Variants in MARCHF1 observed in about 807,000 individuals in gnomAD.
The protein encoded by MARCHF1 is membrane associated ring-CH-type finger 1, also known as E3 ubiquitin-protein ligase MARCHF1.
In MARCHF1, 40 loss-of-function variants were observed where a neutral mutation model predicts 54.2. The observed-to-expected ratio is 0.74, with a 90% CI of 0.57 to 0.96. The LOEUF is 0.96. Ranked by LOEUF, MARCHF1 falls within the 40% of genes least tolerant of loss-of-function variation. The pLI is 0.00. For synonymous variants in MARCHF1, 236 were observed against 236.3 expected, an observed-to-expected ratio of 1.00 and a Z score of 0.01; for missense variants, 586 against 656.5, an observed-to-expected ratio of 0.89 and a Z score of 1.17.
At chr4:164,382,875 C>T (rs187451593) in intron 1 of MARCHF1, among the ~76,000 whole-genome samples, 10 of 152,262 alleles carry the variant, frequency 6.6e-5, no homozygotes, top group Non-Finnish European at 1.0e-4. Context: ...TAATAGAAAA[C>T]ATTTTGATCT....
intron 5 of MARCHF1, among the ~76,000 whole-genome samples, chr4:163,617,910 A>G (rs916253039): frequency 1.3e-5 from 2 of 152,214 alleles, no homozygotes; most frequent in African/African-American, 4.8e-5. Context: ...TGATCATAAT[A>G]AAACAAATGT....
chr4:164,050,655 G>A (rs1754344648), intron 2 of MARCHF1, among the ~76,000 whole-genome samples: 1 of 151,700 alleles, frequency 6.6e-6, no homozygotes, highest in Non-Finnish European at 1.5e-5. Flanking sequence ...CAGACCTAGT[G>A]AATTAAAATC....
intron 2 of MARCHF1, among the ~76,000 whole-genome samples, chr4:164,078,807 A>G (rs549911138): frequency 1.6e-4 from 25 of 152,324 alleles, no homozygotes; most frequent in African/African-American, 6.0e-4. Flanking sequence ...AATCACAACT[A>G]TACCTAATGT....
At chr4:164,241,180 C>T (rs1362811091) in intron 1 of MARCHF1, among the ~76,000 whole-genome samples, 3 of 152,126 alleles carry the variant, frequency 2.0e-5, no homozygotes, top group Non-Finnish European at 2.9e-5. Flanking sequence ...CTGACTCAGC[C>T]TTCGAAGACC....
chr4:163,737,204 A>T (rs866626218), intron 4 of MARCHF1, among the ~76,000 whole-genome samples: 381 of 24,324 alleles, frequency 0.016, 3 homozygotes, highest in Middle Eastern at 0.04. Context: ...TTATTTATTT[A>T]TTTTTTTTAA....
intron 9 of MARCHF1, among the ~76,000 whole-genome samples, chr4:163,536,479 C>A (rs1738532563): frequency 6.6e-6 from 1 of 152,102 alleles, no homozygotes; most frequent in South Asian, 2.1e-4. Context: ...CATGTTATTT[C>A]TCCGTGTGCA....
chr4:164,011,949 A>C (rs1236589977), intron 2 of MARCHF1, among the ~76,000 whole-genome samples: 1 of 152,102 alleles, frequency 6.6e-6, no homozygotes, highest in African/African-American at 2.4e-5. Context: ...ATTGGAACTC[A>C]CTTCTGCCTT....
intron 5 of MARCHF1, among the ~76,000 whole-genome samples, chr4:163,669,488 C>T (rs1057387402): frequency 6.6e-6 from 1 of 152,104 alleles, no homozygotes; most frequent in Admixed American, 6.6e-5. Flanking sequence ...GTGTATTTTC[C>T]AGGACTCTGA....
At chr4:164,295,999 G>A (rs535091102) in intron 1 of MARCHF1, among the ~76,000 whole-genome samples, 16 of 152,058 alleles carry the variant, frequency 1.1e-4, no homozygotes, top group Non-Finnish European at 1.9e-4. Flanking sequence ...AATTAAAGAA[G>A]AGAAATTTGT....
chr4:164,342,847 A>G (rs1468887637), intron 1 of MARCHF1, among the ~76,000 whole-genome samples: 1 of 152,126 alleles, frequency 6.6e-6, no homozygotes, highest in Admixed American at 6.5e-5. Context: ...GACAACATGG[A>G]TGAATCTGGA....
intron 8 of MARCHF1, among the ~76,000 whole-genome samples, chr4:163,572,319 CT>C (rs11363041): frequency 0.3 from 43,543 of 144,000 alleles, 6,980 homozygotes; most frequent in Middle Eastern, 0.39. Flanking sequence ...CTCTTTCTTC[CT>C]TTTTTTTTTT....
intron 1 of MARCHF1, among the ~76,000 whole-genome samples, chr4:164,262,904 T>A (rs1560979179): frequency 1.3e-5 from 2 of 152,158 alleles, no homozygotes; most frequent in Non-Finnish European, 2.9e-5. Flanking sequence ...ATTATGTCCC[T>A]CATCCATAGA....
chr4:164,262,203 C>G (rs1239917988), intron 1 of MARCHF1, among the ~76,000 whole-genome samples: 1 of 151,812 alleles, frequency 6.6e-6, no homozygotes, highest in Non-Finnish European at 1.5e-5. Context: ...CCCTCAAAGC[C>G]TGATAGGGAG....
chr4:164,165,658 C>G (rs1447774488), intron 1 of MARCHF1, among the ~76,000 whole-genome samples: 1 of 152,006 alleles, frequency 6.6e-6, no homozygotes, highest in Non-Finnish European at 1.5e-5. Context: ...ATATTGAAGG[C>G]CTCTTGTAGA....
chr4:163,903,965 C>A (rs564362185), intron 3 of MARCHF1, among the ~76,000 whole-genome samples: 37 of 152,206 alleles, frequency 2.4e-4, no homozygotes, highest in African/African-American at 8.2e-4. Context: ...TAAAAGCTAT[C>A]TAAATAGTGT....
rs561952661 is a variant in MARCHF1, at chr4:163,543,576, G to A, written c.1339+2020C>T. Among the ~76,000 whole-genome samples the A allele has an allele frequency of 1.2e-4, 18 of 152,214 alleles. No homozygotes were observed. In the South Asian group the frequency reaches 2.7e-3, roughly 23 times the overall value. On this transcript the variant is annotated intron_variant, in intron 9 of 9. Transcript: ENST00000514618. Reference sequence around the variant, plus strand: ...GAAATGAATTTGGGAAGTTATCAGCGGGGGCCTACAGAATGAGCAAGGAGA... The same window carrying A: ...GAAATGAATTTGGGAAGTTATCAGCAGGGGCCTACAGAATGAGCAAGGAGA...
intron 1 of MARCHF1, among the ~76,000 whole-genome samples, chr4:164,157,748 A>G (rs76903954): frequency 0.011 from 1,726 of 152,286 alleles, 40 homozygotes; most frequent in African/African-American, 0.039. Context: ...AAAAGACACC[A>G]GTATACTGGA....
chr4:163,915,253 C>A (rs982389189), intron 3 of MARCHF1, among the ~76,000 whole-genome samples: 1 of 152,168 alleles, frequency 6.6e-6, no homozygotes, highest in East Asian at 1.9e-4. Flanking sequence ...GAAAAAAATT[C>A]TCTCTTAATA....
In MARCHF1 at chr4:164,188,563, G is replaced by T. The variant is rs148450232; in HGVS notation, c.-322-76901C>A. 2.9e-3 allele frequency: 2,269 copies of T among 769,240 alleles called. 8 individuals carry two copies. The highest frequency in any genetic ancestry group is 4.2e-3 in the Non-Finnish European group (1,732 of 415,526). 47.7% of individuals were successfully genotyped at this position (769,240 alleles called of 1,614,324 possible). On this transcript the variant is annotated intron_variant, in intron 1 of 9. Transcript: ENST00000514618. ...CCAACAATCAGAGCAAACGCATCAC[G>T]CGGTCCTATGTGCCCTTCACTCTTG... is the stretch of plus-strand genomic sequence containing the variant.
Sources: allele counts gnomAD v4.1 joint callset (sites outside exome capture counted in the v4.1 genomes callset), GRCh38; gene constraint gnomAD v4.1.1; transcripts MANE v1.5; gene names NCBI Gene and HGNC (gene_info 2026-07-23, HGNC 2026-07-21).